The following ELF4 variants were observed in gnomAD, a reference collection of about 807,000 sequenced individuals.
The protein encoded by ELF4 is E74 like ETS transcription factor 4.
In ELF4, 10 loss-of-function variants were observed where a neutral mutation model predicts 31.7. That is an observed-to-expected ratio of 0.32 (90% confidence interval 0.19 to 0.54). The LOEUF (loss-of-function observed/expected upper bound fraction) is 0.54, where lower values mean the gene tolerates loss of function less well. ELF4 is among the 20% of genes least tolerant of loss of function. The pLI is 0.95. For missense variants in ELF4, 418 were observed against 522.0 expected, an observed-to-expected ratio of 0.80 and a Z score of 1.94; for synonymous variants, 208 against 226.7, an observed-to-expected ratio of 0.92 and a Z score of 0.74.
In ELF4 at chrX:130,107,278, A is replaced by AAAAAGAAAAG. The variant is rs746822755; in HGVS notation, c.-210+3037_-210+3046dup. Among the ~76,000 whole-genome samples, 343 of 110,234 alleles carry AAAAAGAAAAG rather than the reference A, an allele frequency of 3.1e-3. 1 individual carries two copies. The highest frequency in any genetic ancestry group is 0.011 in the African/African-American group (317 of 30,007). On this transcript the variant is annotated intron_variant, in intron 1 of 8. Transcript: ENST00000308167. ...GGGCGACAGAGCAAGACTCCATCTC[A>AAAAAGAAAAG]AAAAGAAAAGAAAAGAAAAGAAAAG...
chrX:130,071,516 G>A, intron 5 of ELF4, 97 bp from the exon 6 acceptor site: 1 of 861,036 alleles, frequency 1.2e-6, no homozygotes, highest in East Asian at 3.2e-5. Context: ...GGAGGAGGCA[G>A]GTCACCAGGG....
At chrX:130,097,037 CTGTAATCCTAG>C (rs1933160617) in intron 1 of ELF4, among the ~76,000 whole-genome samples, 1 of 108,521 alleles carries the variant, frequency 9.2e-6, no homozygotes, top group South Asian at 4.0e-4. Context: ...TGGCTTGCGC[CTGTAATCCTAG>C]CACTTTGGGA....
In ELF4 at chrX:130,081,978, G is replaced by A. The variant is rs1932893217; in HGVS notation, c.-209-439C>T. ...CGAGGCAGCAGCATGGAGAATCCCT[G>A]TAACTCCCTTGGCTTGGGGAAGAAT... On this transcript the variant is annotated intron_variant, in intron 1 of 8. Transcript: ENST00000308167. Among the ~76,000 whole-genome samples, 3 of 112,054 alleles carry A rather than the reference G, an allele frequency of 2.7e-5. No individual in the cohort carries two copies. The Admixed American group carries it at 2.8e-4, about 11-fold the overall frequency.
chrX:130,077,681 G>A (rs963708879), intron 2 of ELF4, among the ~76,000 whole-genome samples: 2 of 112,298 alleles, frequency 1.8e-5, no homozygotes, highest in African/African-American at 6.5e-5. Flanking sequence ...CTAGCATTGT[G>A]ACCTTGGGCA....
chrX:130,088,131 G>C (rs1932990821), intron 1 of ELF4, among the ~76,000 whole-genome samples: 1 of 111,351 alleles, frequency 9.0e-6, no homozygotes, highest in African/African-American at 3.3e-5. Flanking sequence ...GTGGGTCTGA[G>C]GCAGGAGAAT....
chrX:130,088,881 C>T (rs1470883499), intron 1 of ELF4, among the ~76,000 whole-genome samples: 1 of 112,017 alleles, frequency 8.9e-6, no homozygotes, highest in Non-Finnish European at 1.9e-5. Flanking sequence ...TAGAAACTAA[C>T]GTGAAGCCTC....
At chrX:130,084,662 G>A (rs924780169) in intron 1 of ELF4, among the ~76,000 whole-genome samples, 2 of 111,426 alleles carry the variant, frequency 1.8e-5, no homozygotes, top group Non-Finnish European at 3.8e-5. Context: ...TGGAGGGGGA[G>A]GAAGTAGCTG....
intron 5 of ELF4, among the ~76,000 whole-genome samples, chrX:130,071,984 T>C (rs1356729821): frequency 8.9e-6 from 1 of 111,988 alleles, no homozygotes; most frequent in African/African-American, 3.2e-5. Flanking sequence ...ATTCAACCCA[T>C]CGAGATCATT....
intron 1 of ELF4, among the ~76,000 whole-genome samples, chrX:130,108,872 A>T (rs1933422139): frequency 2.8e-5 from 3 of 107,045 alleles, no homozygotes. Context: ...AAAAACAACC[A>T]GATGCAAGGT....
In ELF4 at chrX:130,067,281, C is replaced by G; in HGVS notation, c.1432G>C (p.Gly478Arg). The G allele has an allele frequency of 8.2e-7, 1 of 1,212,139 alleles. No individual in the cohort carries two copies. The highest frequency in any genetic ancestry group is 1.1e-6 in the Non-Finnish European group (1 of 895,513). The stretch of plus-strand genomic sequence containing the variant: ...AGGCCACTGAGAATCAGTGGAGCCC[C>G]TGGGGCTGCCACCTGGCTGTCTTGG... ...SFQDSQVAAP[G>R]APLILSGLPQ... The change falls in exon 9 of 9, where the codon GGG (glycine) becomes CGG (arginine). Residue 478 changes from glycine to arginine, a missense_variant. Coordinates refer to ENST00000308167, the MANE Select transcript of ELF4 (RefSeq NM_001421.4).
intron 1 of ELF4, among the ~76,000 whole-genome samples, chrX:130,094,903 C>G (rs1053036955): frequency 7.2e-5 from 8 of 111,235 alleles, no homozygotes; most frequent in African/African-American, 2.6e-4. Flanking sequence ...GGGGTGGAAG[C>G]GCTTGAGGTT....
At chrX:130,085,552 G>A (rs1231352400) in intron 1 of ELF4, among the ~76,000 whole-genome samples, 1 of 111,054 alleles carries the variant, frequency 9.0e-6, no homozygotes, top group African/African-American at 3.3e-5. Context: ...CACAGTCTCC[G>A]TGGAGTGAGT....
rs1932619251 is a variant in ELF4 at position 130,064,451 on chromosome X, A to G, written c.*2270T>C. The stretch of plus-strand genomic sequence containing the variant: ...CTGACTCAAAAACAAACGAACAAAC[A>G]AAAACATTGTTGATAGAGGGGCTAT... On this transcript the variant is annotated 3_prime_UTR_variant, in exon 9 of 9. Coordinates refer to ENST00000308167, the MANE Select transcript of ELF4 (RefSeq NM_001421.4). Among the ~76,000 whole-genome samples, 1 of 112,312 alleles carries G rather than the reference A, an allele frequency of 8.9e-6. No individual in the cohort carries two copies.
chrX:130,105,642 A>C (rs1380172701), intron 1 of ELF4, among the ~76,000 whole-genome samples: 1 of 109,450 alleles, frequency 9.1e-6, no homozygotes, highest in Non-Finnish European at 1.9e-5. Context: ...GAAACTCTAC[A>C]TTCTTCATTT....
At chrX:130,072,108 G>T in intron 5 of ELF4, 118 bp downstream of exon 5, 1 of 908,823 alleles carries the variant, frequency 1.1e-6, no homozygotes, top group Non-Finnish European at 1.6e-6. Flanking sequence ...GAGGCCTTTT[G>T]GTCCATCTCT....
At chrX:130,071,299 T>C in intron 6 of ELF4, 37 bp downstream of exon 6, 1 of 1,208,695 alleles carries the variant, frequency 8.3e-7, no homozygotes, top group Non-Finnish European at 1.1e-6. Flanking sequence ...GGGAAGGGGC[T>C]CCCTCCCCAC....
At chrX:130,077,251 A>T (rs1380707486) in intron 2 of ELF4, among the ~76,000 whole-genome samples, 1 of 111,517 alleles carries the variant, frequency 9.0e-6, no homozygotes, top group East Asian at 2.8e-4. Flanking sequence ...TAGTGGCCCC[A>T]TACTGGACAG....
intron 1 of ELF4, among the ~76,000 whole-genome samples, chrX:130,102,552 G>A (rs1048744706): frequency 1.4e-4 from 16 of 110,688 alleles, no homozygotes; most frequent in South Asian, 3.8e-4. Flanking sequence ...AGTGGCTCAC[G>A]CCTGTAATCC....
intron 1 of ELF4, among the ~76,000 whole-genome samples, chrX:130,083,276 C>T (rs1166674964): frequency 1.0e-5 from 1 of 100,127 alleles, no homozygotes; most frequent in African/African-American, 3.7e-5. Context: ...ACCACCCCAC[C>T]CCCACCAGAC....
Sources: allele counts gnomAD v4.1 joint callset (sites outside exome capture counted in the v4.1 genomes callset), GRCh38; gene constraint gnomAD v4.1.1; transcripts MANE v1.5; gene names NCBI Gene and HGNC (gene_info 2026-07-23, HGNC 2026-07-21).